The following MSL1 variants were observed in gnomAD, a reference collection of about 807,000 sequenced individuals.
MSL1 encodes the protein male-specific lethal 1 homolog.
Under a neutral mutation model 64.6 loss-of-function variants are expected in MSL1, and 21 were observed. The observed-to-expected ratio is 0.33, with a 90% CI of 0.23 to 0.47. MSL1 has a LOEUF of 0.47. Ranked by LOEUF, MSL1 falls within the 20% of genes least tolerant of loss-of-function variation. The probability of loss-of-function intolerance (pLI) is 1.00; values close to 1 mark genes in which losing one functional copy is unlikely to be tolerated. For missense variants in MSL1, 664 were observed against 793.2 expected (o/e 0.84, Z 1.96); for synonymous variants, 339 against 329.6 (o/e 1.03, Z -0.31).
chr17:40,122,159 C>T lies in MSL1; in HGVS notation c.-454C>T, dbSNP rs980262174. On this transcript the variant is annotated 5_prime_UTR_variant, in exon 1 of 9. Coordinates refer to ENST00000398532, the MANE Select transcript of MSL1 (RefSeq NM_001365919.1). This position sits in a 1 kb window ranked among gnomAD's most constrained non-coding sequence, Gnocchi z 4.2. ...GCTTTGGGCGGACCCAGCCCTCCAC[C>T]CCCTCCTGAGGAGGAGGGGGGGGAA... is the stretch of plus-strand genomic sequence containing the variant. The T allele has an allele frequency of 5.3e-5, 8 of 151,060 alleles. No individual in the cohort carries two copies. The highest frequency in any genetic ancestry group is 2.0e-4 in the East Asian group (1 of 5,108). 9.4% of individuals were successfully genotyped at this position (151,060 alleles called of 1,614,324 possible).
intron 2 of MSL1, among the ~76,000 whole-genome samples, chr17:40,127,921 G>A (rs1241635647): frequency 6.6e-6 from 1 of 152,114 alleles, no homozygotes; most frequent in African/African-American, 2.4e-5. Context: ...TCAGGAGATC[G>A]AGACCATCCT....
chr17:40,123,536 A>G (rs1988242871), intron 1 of MSL1, among the ~76,000 whole-genome samples, 156 bp downstream of exon 1: 1 of 151,898 alleles, frequency 6.6e-6, no homozygotes, highest in Non-Finnish European at 1.5e-5. Context: ...TCTGGGAGCC[A>G]GGCTCACAGA....
chr17:40,129,774 A>G (rs1567669834), intron 3 of MSL1, 147 bp downstream of exon 3: 1 of 841,840 alleles, frequency 1.2e-6, no homozygotes, highest in Non-Finnish European at 1.8e-6. Context: ...AGAGACAGAC[A>G]CTGTGCAGGC....
chr17:40,131,395 C>T lies in MSL1; in HGVS notation c.1376-142C>T. ...TCTGTTGTTCCCTCTTCCCCTCCCC[C>T]AGAGAGAAATTCTCAAAAGAACAAC... On this transcript the variant is annotated intron_variant, in intron 3 of 8. Coordinates refer to ENST00000398532, the MANE Select transcript of MSL1 (RefSeq NM_001365919.1). This position sits in a 1 kb window ranked among gnomAD's most constrained non-coding sequence, Gnocchi z 4.5. The T allele has an allele frequency of 1.5e-6, 1 of 675,966 alleles. No homozygotes were observed. The highest frequency in any genetic ancestry group is 2.6e-6 in the Non-Finnish European group (1 of 387,136). The allele number at this position is 675,966 out of a possible 1,614,324, so 41.9% of individuals were successfully genotyped here.
chr17:40,132,092 T>C lies in MSL1; in HGVS notation c.1482T>C (p.Leu494=). 2 of 1,601,330 alleles carry C rather than the reference T, an allele frequency of 1.2e-6. No homozygotes were observed. The highest frequency in any genetic ancestry group is 2.2e-5 in the South Asian group (2 of 88,976). ...TAAGGGACCCAAATCCTTCAGACCT[T>C]TTGGAGGTAGGTAACCAAGAGCACT... The part of the protein sequence containing the change: ...EPLRDPNPSD[L]LENLDDSVFS... Residue 494 remains leucine, a synonymous_variant, in exon 5 of 9, where the codon CTT becomes CTC. Transcript: ENST00000398532.
chr17:40,134,587 T>C lies in MSL1; in HGVS notation c.*218T>C, dbSNP rs955187871. 3.8e-6 allele frequency: 2 copies of C among 526,470 alleles called. No individual in the cohort carries two copies. The highest frequency in any genetic ancestry group is 3.8e-5 in the African/African-American group (2 of 52,228). The allele number at this position is 526,470 out of a possible 1,614,324, so 32.6% of individuals were successfully genotyped here. A position where few individuals can be genotyped will look rare whatever the true frequency, so the allele number is the denominator to read the frequency against. ...GAGGGTGATTGGGATTTCTTTTCCC[T>C]TTTTTGGGAAATGGGCTCTCAAGCT... On this transcript the variant is annotated 3_prime_UTR_variant, in exon 9 of 9. Coordinates refer to ENST00000398532, the MANE Select transcript of MSL1 (RefSeq NM_001365919.1).
At chr17:40,126,580 G>T in intron 2 of MSL1, 174 bp downstream of exon 2, 3 of 616,596 alleles carry the variant, frequency 4.9e-6, no homozygotes, top group Non-Finnish European at 8.5e-6. Flanking sequence ...AGGCCAAGGC[G>T]GGTGGATCAT....
rs1197680578 is a variant in MSL1, at chr17:40,122,069, A to G, written c.-544A>G. Among the ~76,000 whole-genome samples, 3 of 147,244 alleles carry G rather than the reference A, an allele frequency of 2.0e-5. No homozygotes were observed. Among genetic ancestry groups the G allele is most frequent in the African/African-American group, 7.6e-5 (3 of 39,412 alleles). On this transcript the variant is annotated 5_prime_UTR_variant, in exon 1 of 9. Transcript: ENST00000398532. This position sits in a 1 kb window ranked among gnomAD's most constrained non-coding sequence, Gnocchi z 4.2. The stretch of plus-strand genomic sequence containing the variant: ...GAGGCGCCGGGGGTGACTGTGGGGG[A>G]GGGGGACCCCGAGCCGCGGAGACCC...
At chr17:40,128,265 G>A (rs1988365260) in intron 2 of MSL1, among the ~76,000 whole-genome samples, 1 of 152,108 alleles carries the variant, frequency 6.6e-6, no homozygotes, top group African/African-American at 2.4e-5. Context: ...TGTGGTACAG[G>A]GTTGGGGGAA....
At position 40,132,085 on chromosome 17, in the gene MSL1, C is replaced by A; in HGVS notation, c.1475C>A (p.Ser492Ter). The change falls in exon 5 of 9, where the codon TCA (serine) becomes TAA (stop). Residue 492 changes from serine (S) to a stop codon, truncating the protein, a stop_gained. Transcript: ENST00000398532. LOFTEE classifies it high-confidence loss of function. ...GAGCCTCTAAGGGACCCAAATCCTT[C>A]AGACCTTTTGGAGGTAGGTAACCAA... ...SVEPLRDPNP[S>*]DLLENLDDSV... The A allele has an allele frequency of 6.2e-7, 1 of 1,602,666 alleles. No homozygotes were observed. The highest frequency in any genetic ancestry group is 8.5e-7 in the Non-Finnish European group (1 of 1,173,654).
chr17:40,128,729 G>A (rs1410828190), intron 2 of MSL1, among the ~76,000 whole-genome samples: 2 of 151,712 alleles, frequency 1.3e-5, no homozygotes, highest in Non-Finnish European at 2.9e-5. Context: ...AACATTTACT[G>A]GCCAGGTGCA....
rs1988208362 is a variant in MSL1, at chr17:40,122,654, T to G, written c.42T>G (p.Pro14=). The part of the protein sequence containing the change: ...RSAVFKAAAA[P]AGGNPEQRLD... ...CGGTGTTCAAGGCGGCCGCGGCCCC[T>G]GCCGGCGGCAATCCTGAGCAGCGAC... The change falls in exon 1 of 9, where the codon CCT becomes CCG. Residue 14 remains proline (P), a synonymous_variant. Coordinates refer to ENST00000398532, the MANE Select transcript of MSL1 (RefSeq NM_001365919.1). This position sits in a 1 kb window ranked among gnomAD's most constrained non-coding sequence, Gnocchi z 4.2. 2 of 1,489,922 alleles carry G rather than the reference T, an allele frequency of 1.3e-6. No individual in the cohort carries two copies. The allele number at this position is 1,489,922 out of a possible 1,614,324, so 92.3% of individuals were successfully genotyped here. A position where few individuals can be genotyped will look rare whatever the true frequency, so the allele number is the denominator to read the frequency against.
rs1988522596 is a variant in MSL1 at position 40,135,491 on chromosome 17, A to G, written c.*1122A>G. 6.6e-6 allele frequency: 1 copy of G among 152,358 alleles called. No individual in the cohort carries two copies. The highest frequency in any genetic ancestry group is 2.4e-5 in the African/African-American group (1 of 41,444). The allele number at this position is 152,358 out of a possible 1,614,324, so 9.4% of individuals were successfully genotyped here. ...AGCCAAGACCTCTGGTCTCAAATATATAGGAATTGCCTTTCTTTAGTCTTC... is the reference window on the plus strand; with the variant it reads ...AGCCAAGACCTCTGGTCTCAAATATGTAGGAATTGCCTTTCTTTAGTCTTC... On this transcript the variant is annotated 3_prime_UTR_variant, in exon 9 of 9. Transcript: ENST00000398532.
At chr17:40,128,668 C>A (rs1988376649) in intron 2 of MSL1, among the ~76,000 whole-genome samples, 4 of 151,426 alleles carry the variant, frequency 2.6e-5, no homozygotes, top group Admixed American at 2.6e-4. Context: ...AGGCGTGAGC[C>A]ACTGCGCCTG....
At chr17:40,133,142 T>G in intron 6 of MSL1, 33 bp downstream of exon 6, 2 of 1,576,994 alleles carry the variant, frequency 1.3e-6, no homozygotes, top group Non-Finnish European at 1.7e-6. Flanking sequence ...TGGAAACAAC[T>G]GAGCCCTAGG....
chr17:40,127,290 G>A (rs1370470213), intron 2 of MSL1, among the ~76,000 whole-genome samples: 1 of 148,430 alleles, frequency 6.7e-6, no homozygotes, highest in African/African-American at 2.5e-5. Context: ...AGCTGTTACT[G>A]CACCACTGCA....
At position 40,131,555 on chromosome 17, in the gene MSL1, G is replaced by A. The variant is rs1482673947; in HGVS notation, c.1394G>A (p.Ser465Asn). 1 of 1,613,696 alleles carries A rather than the reference G, an allele frequency of 6.2e-7. No individual in the cohort carries two copies. The highest frequency in any genetic ancestry group is 8.5e-7 in the Non-Finnish European group (1 of 1,179,832). Residue 465 changes from serine to asparagine, a missense_variant, in exon 4 of 9, where the codon AGT (serine) becomes AAT (asparagine). Ser to Asn is a conservative substitution (Grantham distance 46). This residue lies in a region of MSL1 where 119 missense variants were observed against 164.3 expected (regional missense o/e 0.72). Coordinates refer to ENST00000398532, the MANE Select transcript of MSL1 (RefSeq NM_001365919.1). The surrounding 1 kb of genome is among the most constrained non-coding windows in gnomAD (Gnocchi z 4.5). The stretch of plus-strand genomic sequence containing the variant: ...TATTTAGGGTGTCTGATGCCATCAA[G>A]TGTTGCAGGAGAAACTTCAGTCTTG... ...ETVARCLMPS[S>N]VAGETSVLAV...
At position 40,134,444 on chromosome 17, in the gene MSL1, G is replaced by T; in HGVS notation, c.*75G>T. On this transcript the variant is annotated 3_prime_UTR_variant, in exon 9 of 9. Transcript: ENST00000398532. ...GAGAGTGGCAGAGACCTGTATATGT[G>T]ACCTTTGTCCTCACATATGTTATCA... 8.1e-7 allele frequency: 1 copy of T among 1,233,434 alleles called. No individual in the cohort carries two copies. Among genetic ancestry groups the T allele is most frequent in the South Asian group, 1.3e-5 (1 of 77,118 alleles). The allele number at this position is 1,233,434 out of a possible 1,614,324, so 76.4% of individuals were successfully genotyped here. A position where few individuals can be genotyped will look rare whatever the true frequency, so the allele number is the denominator to read the frequency against.
chr17:40,126,447 G>A (rs541821827), intron 2 of MSL1, 41 bp downstream of exon 2: 3 of 1,529,418 alleles, frequency 2.0e-6, no homozygotes, highest in East Asian at 4.5e-5. Context: ...CTTGTTACCA[G>A]TGATTGAGAG....
Sources: allele counts gnomAD v4.1 joint callset (sites outside exome capture counted in the v4.1 genomes callset), GRCh38; gene constraint gnomAD v4.1.1; regional missense constraint gnomAD v4.1.1; non-coding constraint Gnocchi (gnomAD v3.1); transcripts MANE v1.5; gene names NCBI Gene and HGNC (gene_info 2026-07-23, HGNC 2026-07-21).